Variants in RANBP2 observed in about 807,000 individuals in gnomAD.
RANBP2 encodes E3 SUMO-protein ligase RanBP2.
A neutral mutation model predicts 303.6 loss-of-function variants in RANBP2; 57 were observed. The observed-to-expected ratio is 0.19, with a 90% CI of 0.15 to 0.23. RANBP2 has a LOEUF of 0.23. RANBP2 is among the 10% of genes least tolerant of loss of function. The probability of loss-of-function intolerance (pLI) is 1.00; values close to 1 mark genes in which losing one functional copy is unlikely to be tolerated. For missense variants in RANBP2, 3,138 were observed against 3,780.8 expected, an observed-to-expected ratio of 0.83 and a Z score of 4.46; for synonymous variants, 1,167 against 1,301.5, an observed-to-expected ratio of 0.90 and a Z score of 2.23.
chr2:108,947,355 C>T, the RANBP2 span, among the ~76,000 whole-genome samples: 9 of 152,058 alleles, frequency 5.9e-5, no homozygotes, highest in East Asian at 1.9e-4. Flanking sequence ...TGCAAGCTGT[C>T]GGTGGATCTA....
the RANBP2 span, chr2:109,614,227 C>T: frequency 2.2e-6 from 2 of 895,846 alleles, no homozygotes; most frequent in Admixed American, 4.6e-5. Context: ...GAGGCGAGGC[C>T]GCCCTAGGTA....
the RANBP2 span, among the ~76,000 whole-genome samples, chr2:109,272,304 C>T: frequency 6.6e-6 from 1 of 152,240 alleles, no homozygotes; most frequent in Non-Finnish European, 1.5e-5. Context: ...CTGATGGCTA[C>T]ACATCCCCTG....
chr2:109,398,978 G>C, the RANBP2 span: 10 of 1,561,456 alleles, frequency 6.4e-6, no homozygotes, highest in East Asian at 2.1e-4. Context: ...GCATCCCTGG[G>C]TTCTCTGGGG....
the RANBP2 span, among the ~76,000 whole-genome samples, chr2:108,958,938 A>G: frequency 1.3e-5 from 2 of 152,184 alleles, no homozygotes; most frequent in African/African-American, 4.8e-5. Context: ...CATCCACATC[A>G]TGGAATGCCA....
chr2:109,117,370 T>C, the RANBP2 span, among the ~76,000 whole-genome samples: 4 of 152,218 alleles, frequency 2.6e-5, no homozygotes, highest in African/African-American at 9.6e-5. Flanking sequence ...CACTGCCGCC[T>C]TGCAGTTTGA....
chr2:109,044,784 C>T, the RANBP2 span, among the ~76,000 whole-genome samples: 2 of 151,958 alleles, frequency 1.3e-5, no homozygotes, highest in Admixed American at 6.6e-5. Context: ...CTGTTCAACT[C>T]GTGTTGGGGC....
At chr2:109,564,903 T>C in the RANBP2 span, among the ~76,000 whole-genome samples, 1 of 152,236 alleles carries the variant, frequency 6.6e-6, no homozygotes, top group Non-Finnish European at 1.5e-5. Context: ...GTTTAAAGAG[T>C]ATGTAATATT....
At chr2:108,906,079 C>G in the RANBP2 span, among the ~76,000 whole-genome samples, 2 of 152,238 alleles carry the variant, frequency 1.3e-5, no homozygotes, top group African/African-American at 4.8e-5. Flanking sequence ...GTCTCCCGCC[C>G]CATGAGGGGA....
chr2:109,565,802 T>C, the RANBP2 span: 1 of 1,614,046 alleles, frequency 6.2e-7, no homozygotes, highest in Non-Finnish European at 8.5e-7. Context: ...GCTTTGACCA[T>C]CTTGTTTCCG....
At chr2:109,034,736 C>A in the RANBP2 span, among the ~76,000 whole-genome samples, 1 of 152,136 alleles carries the variant, frequency 6.6e-6, no homozygotes, top group African/African-American at 2.4e-5. Flanking sequence ...GGGTGGTACC[C>A]CATTCTTTGC....
chr2:109,472,010 C>T, the RANBP2 span, among the ~76,000 whole-genome samples: 1 of 152,184 alleles, frequency 6.6e-6, no homozygotes. Context: ...CCTGGGCCCC[C>T]TGCACTGTGT....
At chr2:109,007,457 G>C in the RANBP2 span, among the ~76,000 whole-genome samples, 1 of 152,240 alleles carries the variant, frequency 6.6e-6, no homozygotes, top group Non-Finnish European at 1.5e-5. Flanking sequence ...TCAGGGTGAG[G>C]TTGTGACCAC....
the RANBP2 span, among the ~76,000 whole-genome samples, chr2:108,996,572 T>C: frequency 1.3e-5 from 2 of 152,216 alleles, no homozygotes; most frequent in East Asian, 1.9e-4. Flanking sequence ...GGGGATTCAC[T>C]GACTGGGAGA....
At chr2:109,599,499 G>C in the RANBP2 span, among the ~76,000 whole-genome samples, 2 of 150,092 alleles carry the variant, frequency 1.3e-5, no homozygotes, top group African/African-American at 2.4e-5. Flanking sequence ...AAATTACCAA[G>C]AGTGAGCAAG....
At chr2:109,219,714 C>T in the RANBP2 span, among the ~76,000 whole-genome samples, 1 of 152,150 alleles carries the variant, frequency 6.6e-6, no homozygotes, top group African/African-American at 2.4e-5. Flanking sequence ...GAATAAAATA[C>T]TTGGGAATAA....
chr2:109,199,329 A>AAAATG, the RANBP2 span, among the ~76,000 whole-genome samples: 15 of 1,076 alleles, frequency 0.014, 4 homozygotes, highest in East Asian at 0.036. Flanking sequence ...CTCAAAAAGT[A>AAAATG]AAATGGAATG....
At chr2:109,603,957 C>T in the RANBP2 span, among the ~76,000 whole-genome samples, 3 of 151,296 alleles carry the variant, frequency 2.0e-5, no homozygotes, top group East Asian at 6.0e-4. Context: ...GTCAGGAGAT[C>T]GAGACCATCC....
chr2:109,657,282 C>T, the RANBP2 span, among the ~76,000 whole-genome samples: 2 of 151,832 alleles, frequency 1.3e-5, no homozygotes, highest in East Asian at 1.9e-4. Flanking sequence ...CTCGTTTCTA[C>T]AAAAAAATAC....
chr2:109,148,151 A>G, the RANBP2 span, among the ~76,000 whole-genome samples: 1 of 152,164 alleles, frequency 6.6e-6, no homozygotes, highest in Non-Finnish European at 1.5e-5. Context: ...TGCACCCAGT[A>G]TGCAGTGTGT....
Sources: gnomAD v4.1 joint callset for allele counts (sites outside exome capture counted in the v4.1 genomes callset) on GRCh38, gnomAD v4.1.1 for gene constraint, MANE v1.5 for transcripts, NCBI Gene and HGNC (gene_info 2026-07-23, HGNC 2026-07-21) for gene names.